F9: variants seen among roughly 807,000 people sequenced by gnomAD.
The protein encoded by F9 is Christmas factor.
Under a neutral mutation model 34.1 loss-of-function variants are expected in F9, and 2 were observed. The observed-to-expected ratio is 0.06, with a 90% CI of 0.02 to 0.18. The LOEUF (loss-of-function observed/expected upper bound fraction) is 0.18, where lower values mean the gene tolerates loss of function less well. Ranked by LOEUF, F9 falls within the 10% of genes least tolerant of loss-of-function variation. F9 has a pLI of 1.00. For missense variants in F9, 216 were observed against 345.1 expected (o/e 0.63, Z 2.96); for synonymous variants, 137 against 118.8 (o/e 1.15, Z -1.00).
chrX:139,561,681 A>G lies in F9; in HGVS notation c.996A>G (p.Thr332=). Residue 332 remains threonine (T), a synonymous_variant, in exon 8 of 8, where the codon ACA becomes ACG. Coordinates refer to ENST00000218099, the MANE Select transcript of F9 (RefSeq NM_000133.4). ...DEPLVLNSYV[T]PICIADKEYT... is the part of the protein sequence containing the mutation. ...CCTTAGTGCTAAACAGCTACGTTACACCTATTTGCATTGCTGACAAGGAAT... is the reference window on the plus strand; with the variant it reads ...CCTTAGTGCTAAACAGCTACGTTACGCCTATTTGCATTGCTGACAAGGAAT... 8.3e-7 allele frequency: 1 copy of G among 1,211,579 alleles called. No homozygotes were observed. The highest frequency in any genetic ancestry group is 1.1e-6 in the Non-Finnish European group (1 of 895,462).
intron 4 of F9, among the ~76,000 whole-genome samples, chrX:139,544,013 G>T (rs886971568): frequency 9.0e-6 from 1 of 111,705 alleles, no homozygotes; most frequent in Non-Finnish European, 1.9e-5. Flanking sequence ...CACCTCCTGC[G>T]CAAAACAAGC....
intron 5 of F9, among the ~76,000 whole-genome samples, chrX:139,550,075 A>G (rs1481707778): frequency 8.9e-6 from 1 of 111,735 alleles, no homozygotes; most frequent in Non-Finnish European, 1.9e-5. Context: ...CTATGCTATA[A>G]AAGAGAAACA....
At position 139,562,753 on chromosome X, in the gene F9, C is replaced by T. The variant is rs1188649654; in HGVS notation, c.*682C>T. 1.8e-5 allele frequency: 2 copies of T among 108,669 alleles called. No individual in the cohort carries two copies. Among genetic ancestry groups the T allele is most frequent in the Admixed American group, 2.0e-4 (2 of 10,024 alleles). 9.0% of individuals were successfully genotyped at this position (108,669 alleles called of 1,213,427 possible). A position where few individuals can be genotyped will look rare whatever the true frequency, so the allele number is the denominator to read the frequency against. On this transcript the variant is annotated 3_prime_UTR_variant, in exon 8 of 8. Coordinates refer to ENST00000218099, the MANE Select transcript of F9 (RefSeq NM_000133.4). ...TACATGTCTATCAAACCCAGACTTG[C>T]TTCCGTAGTGGAGACTTGCTTTTCA...
chrX:139,562,201 C>A lies in F9; in HGVS notation c.*130C>A. On this transcript the variant is annotated 3_prime_UTR_variant, in exon 8 of 8. Transcript: ENST00000218099. ...CTATGATCATTGCTTTTTCTCTTTA[C>A]AGGGGAGAATTTCATATTTTACCTG... is the stretch of plus-strand genomic sequence containing the variant. The A allele has an allele frequency of 1.7e-6, 1 of 597,019 alleles. No individual in the cohort carries two copies. Among genetic ancestry groups the A allele is most frequent in the Non-Finnish European group, 2.6e-6 (1 of 380,620 alleles). The allele number at this position is 597,019 out of a possible 1,213,427, so 49.2% of individuals were successfully genotyped here. A position where few individuals can be genotyped will look rare whatever the true frequency, so the allele number is the denominator to read the frequency against.
At chrX:139,542,062 C>T (rs911023707) in intron 4 of F9, among the ~76,000 whole-genome samples, 6 of 111,296 alleles carry the variant, frequency 5.4e-5, no homozygotes, top group African/African-American at 2.0e-4. Context: ...GGCTACATGA[C>T]TAAGGATAAA....
chrX:139,562,361 C>A lies in F9; in HGVS notation c.*290C>A. 3.3e-6 allele frequency: 1 copy of A among 303,595 alleles called. No homozygotes were observed. Among genetic ancestry groups the A allele is most frequent in the East Asian group, 6.5e-5 (1 of 15,289 alleles). The allele number at this position is 303,595 out of a possible 1,213,427, so 25.0% of individuals were successfully genotyped here. On this transcript the variant is annotated 3_prime_UTR_variant, in exon 8 of 8. Coordinates refer to ENST00000218099, the MANE Select transcript of F9 (RefSeq NM_000133.4). ...TCTGTCCATCAGATACTATGGTTCT[C>A]CACTATGGCAACTAACTCACTCAAT...
intron 1 of F9, among the ~76,000 whole-genome samples, chrX:139,536,273 A>G (rs866374442): frequency 9.7e-6 from 1 of 102,647 alleles, no homozygotes; most frequent in African/African-American, 3.5e-5. Flanking sequence ...GTATATATAT[A>G]TGTACACACA....
intron 6 of F9, among the ~76,000 whole-genome samples, chrX:139,559,525 C>T (rs1928047800): frequency 9.3e-6 from 1 of 107,580 alleles, no homozygotes; most frequent in South Asian, 4.0e-4. Flanking sequence ...GGCAAGACTC[C>T]GTCAAAAAAA....
intron 6 of F9, among the ~76,000 whole-genome samples, chrX:139,553,392 T>C (rs1185371259): frequency 8.9e-6 from 1 of 111,846 alleles, no homozygotes; most frequent in Non-Finnish European, 1.9e-5. Context: ...CTATTCTCTC[T>C]AATTTTGTCA....
chrX:139,561,909 A>G lies in F9; in HGVS notation c.1224A>G (p.Gln408=), dbSNP rs1928124715. 1.7e-6 allele frequency: 2 copies of G among 1,210,298 alleles called. No individual in the cohort carries two copies. The highest frequency in any genetic ancestry group is 3.5e-5 in the African/African-American group (2 of 57,222). ...ATGAAGGAGGTAGAGATTCATGTCA[A>G]GGAGATAGTGGGGGACCCCATGTTA... is the stretch of plus-strand genomic sequence containing the variant. ...GFHEGGRDSC[Q]GDSGGPHVTE... Residue 408 remains glutamine (Q), a synonymous_variant, in exon 8 of 8, where the codon CAA becomes CAG. Coordinates refer to ENST00000218099, the MANE Select transcript of F9 (RefSeq NM_000133.4).
intron 6 of F9, among the ~76,000 whole-genome samples, chrX:139,555,409 C>A (rs1484711782): frequency 1.8e-5 from 2 of 112,858 alleles, no homozygotes; most frequent in African/African-American, 6.4e-5. Context: ...AGGCTGGAGC[C>A]AAGGGCCAAC....
intron 6 of F9, among the ~76,000 whole-genome samples, chrX:139,558,495 C>G (rs946071118): frequency 3.5e-5 from 4 of 113,288 alleles, no homozygotes; most frequent in African/African-American, 1.3e-4. Context: ...AGCAAATATC[C>G]CCATGCTAGA....
intron 6 of F9, among the ~76,000 whole-genome samples, chrX:139,555,570 C>T (rs761526935): frequency 9.8e-5 from 11 of 112,651 alleles, no homozygotes; most frequent in Non-Finnish European, 1.9e-4. Context: ...TTAGAAGGTT[C>T]CGGACAGGAA....
Position 139,557,234 on chromosome X carries a change from C to T in F9, c.724-3507C>T, listed in dbSNP as rs749922033. Among the ~76,000 whole-genome samples, 3 of 111,955 alleles carry T rather than the reference C, an allele frequency of 2.7e-5. No individual in the cohort carries two copies. The South Asian group carries it at 1.1e-3, about 42-fold the overall frequency. On this transcript the variant is annotated intron_variant, in intron 6 of 7. Coordinates refer to ENST00000218099, the MANE Select transcript of F9 (RefSeq NM_000133.4). ...TCCCCATTATTCCCCAACATGATGT[C>T]TTTAAGAACTTGTCCTTGACCGAGC...
At chrX:139,551,922 G>A (rs1927854325) in intron 6 of F9, among the ~76,000 whole-genome samples, 1 of 112,134 alleles carries the variant, frequency 8.9e-6, no homozygotes, top group Non-Finnish European at 1.9e-5. Flanking sequence ...AGGTGCAGTG[G>A]CTCATGCCAA....
Position 139,562,172 on chromosome X carries a change from C to T in F9, c.*101C>T, listed in dbSNP as rs1928138336. The T allele has an allele frequency of 8.2e-6, 6 of 733,949 alleles. No individual in the cohort carries two copies. Among genetic ancestry groups the T allele is most frequent in the Non-Finnish European group, 1.2e-5 (6 of 486,151 alleles). The allele number at this position is 733,949 out of a possible 1,213,427, so 60.5% of individuals were successfully genotyped here. A position where few individuals can be genotyped will look rare whatever the true frequency, so the allele number is the denominator to read the frequency against. On this transcript the variant is annotated 3_prime_UTR_variant, in exon 8 of 8. Coordinates refer to ENST00000218099, the MANE Select transcript of F9 (RefSeq NM_000133.4). ...ATCTTTTGTTAGATTTGAATATATA[C>T]ATTCTATGATCATTGCTTTTTCTCT...
chrX:139,537,207 G>A, intron 2 of F9, 34 bp downstream of exon 2: 8 of 1,193,030 alleles, frequency 6.7e-6, no homozygotes, highest in Non-Finnish European at 8.0e-6. Flanking sequence ...TTCAGATGCA[G>A]AGCATAGAAT....
intron 1 of F9, among the ~76,000 whole-genome samples, chrX:139,536,263 GTA>G (rs369415275): frequency 3.2e-4 from 21 of 65,070 alleles, no homozygotes; most frequent in African/African-American, 6.7e-4. Context: ...ACACATATAT[GTA>G]TATATATATG....
At chrX:139,548,321 C>A (rs753711944) in intron 4 of F9, 42 bp from the exon 5 acceptor site, 22 of 1,190,804 alleles carry the variant, frequency 1.8e-5, no homozygotes, top group Non-Finnish European at 2.3e-5. Context: ...TTTAGAAATG[C>A]ATGTTAAATG....
Sources: allele counts gnomAD v4.1 joint callset (sites outside exome capture counted in the v4.1 genomes callset), GRCh38; gene constraint gnomAD v4.1.1; transcripts MANE v1.5; gene names NCBI Gene and HGNC (gene_info 2026-07-23, HGNC 2026-07-21).